The following BDP1 variants were observed in gnomAD, a reference collection of about 807,000 sequenced individuals.
BDP1 encodes the protein transcription factor TFIIIB component B'' homolog.
A neutral mutation model predicts 266.6 loss-of-function variants in BDP1; 169 were observed. The observed-to-expected ratio is 0.63, with a 90% confidence interval of 0.56 to 0.72. The LOEUF (loss-of-function observed/expected upper bound fraction) is 0.72. Ranked by LOEUF, BDP1 falls within the 30% of genes least tolerant of loss-of-function variation. The probability of loss-of-function intolerance (pLI) is 0.00; values close to 1 mark genes in which losing one functional copy is unlikely to be tolerated. For synonymous variants in BDP1, 1,090 were observed against 1,022.4 expected, an observed-to-expected ratio of 1.07 and a Z score of -1.26; for missense variants, 3,015 against 3,053.8, an observed-to-expected ratio of 0.99 and a Z score of 0.30.
At chr5:71,503,459 C>T (rs774773445) in intron 15 of BDP1, among the ~76,000 whole-genome samples, 4 of 152,240 alleles carry the variant, frequency 2.6e-5, no homozygotes, top group South Asian at 2.1e-4. Flanking sequence ...GTTGCTTTTC[C>T]GTATCACTTA....
rs1764776242 is a variant in BDP1 at position 71,509,508 on chromosome 5, A to G, written c.2416A>G (p.Ile806Val). ...NKANKLNQVP[I>V]LRTRFQKPKP... ...GGCAAATAAACTTAACCAAGTCCCA[A>G]TTCTAAGGACTCGATTTCAGAAACC... Residue 806 changes from isoleucine to valine, a missense_variant, in exon 17 of 39, where the codon ATT (isoleucine) becomes GTT (valine). By Grantham distance (29) the Ile-to-Val change is conservative (BLOSUM62 3). Transcript: ENST00000358731. 2 of 1,602,412 alleles carry G rather than the reference A, an allele frequency of 1.2e-6. No homozygotes were observed. Among genetic ancestry groups the G allele is most frequent in the African/African-American group, 2.7e-5 (2 of 73,880 alleles).
intron 26 of BDP1, among the ~76,000 whole-genome samples, chr5:71,538,301 C>G (rs1487903492): frequency 2.6e-5 from 4 of 152,072 alleles, no homozygotes; most frequent in Admixed American, 2.6e-4. Flanking sequence ...AAGTCCTACT[C>G]CCCTAGGGAA....
rs756650377 is a variant in BDP1, at chr5:71,483,887, A to G, written c.1060A>G (p.Lys354Glu). 27 of 1,610,310 alleles carry G rather than the reference A, an allele frequency of 1.7e-5. No homozygotes were observed. Among genetic ancestry groups the G allele is most frequent in the East Asian group, 2.2e-5 (1 of 44,760 alleles). Residue 354 changes from lysine to glutamate, a missense_variant, in exon 8 of 39, where the codon AAA becomes GAA. Physicochemically the swap from Lys to Glu is moderately conservative, Grantham distance 56. Around this residue, in one of 3 missense-constraint regions of BDP1, gnomAD observed 2,383 missense variants for 2,404.9 expected, o/e 0.99. Coordinates refer to ENST00000358731, the MANE Select transcript of BDP1 (RefSeq NM_018429.3). ...EEKTNGWRIDKAFQEKRPFDF... is the reference protein window; with the variant it reads ...EEKTNGWRIDEAFQEKRPFDF... ...GAAAACAAATGGATGGAGAATAGAC[A>G]AAGCATTCCGTAAGTATTAAGACCT...
At chr5:71,505,505 TCC>T (rs1764529559) in intron 16 of BDP1, among the ~76,000 whole-genome samples, 1 of 152,218 alleles carries the variant, frequency 6.6e-6, no homozygotes, top group Non-Finnish European at 1.5e-5. Flanking sequence ...TTTTATTTCT[TCC>T]TTGGAGGGTA....
At chr5:71,539,926 G>A (rs976278962) in intron 28 of BDP1, among the ~76,000 whole-genome samples, 6 of 151,976 alleles carry the variant, frequency 3.9e-5, no homozygotes, top group African/African-American at 1.5e-4. Context: ...CATGGTAAAG[G>A]TAGTGAATAC....
At chr5:71,514,422 C>T (rs1008680178) in intron 19 of BDP1, among the ~76,000 whole-genome samples, 2 of 152,072 alleles carry the variant, frequency 1.3e-5, no homozygotes, top group Non-Finnish European at 2.9e-5. Context: ...CGTCCCTTTC[C>T]CCCAAGTTAA....
intron 32 of BDP1, chr5:71,545,533 A>G: frequency 3.3e-6 from 1 of 304,532 alleles, no homozygotes; most frequent in Non-Finnish European, 6.0e-6. Flanking sequence ...GATTCGCCAT[A>G]TTGGCCAGGC....
intron 7 of BDP1, among the ~76,000 whole-genome samples, chr5:71,481,222 T>C (rs1010390764): frequency 1.3e-5 from 2 of 151,218 alleles, no homozygotes; most frequent in Non-Finnish European, 2.9e-5. Context: ...TGATGTGTTG[T>C]AGAGTGTCTG....
At chr5:71,548,841 A>C in intron 33 of BDP1, 96 bp downstream of exon 33, 3 of 894,482 alleles carry the variant, frequency 3.4e-6, no homozygotes, top group Non-Finnish European at 5.4e-6. Flanking sequence ...GTTGTATTTT[A>C]GTCTATGCTG....
intron 30 of BDP1, among the ~76,000 whole-genome samples, chr5:71,542,680 C>T (rs1321646796): frequency 1.3e-5 from 2 of 148,542 alleles, no homozygotes; most frequent in Non-Finnish European, 3.0e-5. Context: ...TAGTGACACC[C>T]TGTCTCTTAT....
intron 19 of BDP1, among the ~76,000 whole-genome samples, chr5:71,514,221 C>T (rs7378662): frequency 0.81 from 123,258 of 152,142 alleles, 50,171 homozygotes; most frequent in East Asian, 0.87. Flanking sequence ...GGAAGTCCTT[C>T]TTAGAATTAA....
Position 71,455,885 on chromosome 5 carries a change from G to C in BDP1, c.8G>C (p.Arg3Pro). MF[R>P]RARLSVKPNV... ...GGGCCCCCTGCCTCCGCCATGTTCC[G>C]CAGGGCACGCCTTAGCGTGAAGCCG... The change falls in exon 1 of 39, where the codon CGC becomes CCC. Residue 3 changes from arginine (R) to proline (P), a missense_variant. Arg to Pro is a moderately radical substitution (Grantham distance 103). Coordinates refer to ENST00000358731, the MANE Select transcript of BDP1 (RefSeq NM_018429.3). 6.3e-7 allele frequency: 1 copy of C among 1,585,728 alleles called. No individual in the cohort carries two copies. The highest frequency in any genetic ancestry group is 8.6e-7 in the Non-Finnish European group (1 of 1,166,384).
At chr5:71,574,262 C>A in the BDP1 span, among the ~76,000 whole-genome samples, 2 of 152,174 alleles carry the variant, frequency 1.3e-5, no homozygotes, top group African/African-American at 4.8e-5. Context: ...GCAGTTCCTC[C>A]CCCAGCAGAA....
Position 71,501,581 on chromosome 5 carries a change from A to G in BDP1, c.1976A>G (p.Lys659Arg). 1 of 1,602,124 alleles carries G rather than the reference A, an allele frequency of 6.2e-7. No individual in the cohort carries two copies. The highest frequency in any genetic ancestry group is 8.5e-7 in the Non-Finnish European group (1 of 1,169,660). ...TCACAGAACCACGTGGAAAAAGATA[A>G]AATGAATACATTGGACATTTTGAGA... ...SVEKNHVEKDKMNTLDILRME... is the reference protein window; with the variant it reads ...SVEKNHVEKDRMNTLDILRME... The change falls in exon 14 of 39, where the codon AAA (lysine) becomes AGA (arginine). Residue 659 changes from lysine to arginine, a missense_variant. Coordinates refer to ENST00000358731, the MANE Select transcript of BDP1 (RefSeq NM_018429.3).
intron 32 of BDP1, chr5:71,545,499 G>A (rs918009405): frequency 1.0e-5 from 4 of 394,176 alleles, no homozygotes; most frequent in African/African-American, 8.4e-5. Flanking sequence ...AGCCAGCTAG[G>A]TTTTGTATTT....
chr5:71,503,594 T>C (rs143763451), intron 15 of BDP1, among the ~76,000 whole-genome samples: 87 of 152,348 alleles, frequency 5.7e-4, no homozygotes, highest in African/African-American at 1.9e-3. Flanking sequence ...ACAAAGACTG[T>C]GAATTTTAGA....
intron 23 of BDP1, 55 bp from the exon 24 acceptor site, chr5:71,522,701 T>G (rs1459808452): frequency 2.0e-6 from 3 of 1,503,396 alleles, no homozygotes; most frequent in Non-Finnish European, 2.7e-6. Flanking sequence ...CCAAACCAAA[T>G]TAACATAGAG....
intron 11 of BDP1, among the ~76,000 whole-genome samples, chr5:71,493,279 T>C (rs1388337869): frequency 6.6e-6 from 1 of 152,220 alleles, no homozygotes; most frequent in African/African-American, 2.4e-5. Context: ...AAAAATGTTG[T>C]GACAGGGTCT....
At chr5:71,562,992 C>A in intron 38 of BDP1, 1 of 921,922 alleles carries the variant, frequency 1.1e-6, no homozygotes, top group Non-Finnish European at 1.4e-6. Context: ...GGCTGGTGAG[C>A]ATCTGTTGAA....
Sources: gnomAD v4.1 joint callset for allele counts (sites outside exome capture counted in the v4.1 genomes callset) on GRCh38, gnomAD v4.1.1 for gene constraint, gnomAD v4.1.1 regional missense constraint, MANE v1.5 for transcripts, NCBI Gene and HGNC (gene_info 2026-07-23, HGNC 2026-07-21) for gene names.